NCMAP: variants seen among roughly 807,000 people sequenced by gnomAD.
The protein encoded by NCMAP is non-compact myelin associated protein.
NCMAP carries 8 observed loss-of-function variants against 7.8 expected under a neutral mutation model. That is an observed-to-expected ratio of 1.02 (90% CI 0.60 to 1.84). NCMAP has a LOEUF of 1.84. Among genes scored for constraint, NCMAP ranks in the 40% most tolerant of loss-of-function variants. The pLI, the probability that NCMAP is intolerant of heterozygous loss-of-function variation, is 0.00. For missense variants in NCMAP, 112 were observed against 131.4 expected (o/e 0.85, Z 0.72); for synonymous variants, 41 against 52.9 (o/e 0.78, Z 0.98).
intron 2 of NCMAP, among the ~76,000 whole-genome samples, chr1:24,596,616 G>T (rs891986915): frequency 2.0e-5 from 3 of 152,096 alleles, no homozygotes; most frequent in African/African-American, 7.2e-5. Context: ...AGCCTGGGAG[G>T]TCGAGGCTGT....
rs1652716652 is a variant in NCMAP at position 24,606,081 on chromosome 1, G to A, written c.*334G>A. 3.8e-6 allele frequency: 1 copy of A among 263,712 alleles called. No homozygotes were observed. The highest frequency in any genetic ancestry group is 7.6e-5 in the South Asian group (1 of 13,210). 16.3% of individuals were successfully genotyped at this position (263,712 alleles called of 1,614,324 possible). A position where few individuals can be genotyped will look rare whatever the true frequency, so the allele number is the denominator to read the frequency against. ...GATAGACAGATAGCCCAGGAGCCAG[G>A]TGTCAGGGAGCACTGCTGAGAGTAT... On this transcript the variant is annotated 3_prime_UTR_variant, in exon 4 of 4. Transcript: ENST00000374392.
chr1:24,577,820 G>T (rs1257597289), intron 1 of NCMAP, among the ~76,000 whole-genome samples: 2 of 152,154 alleles, frequency 1.3e-5, no homozygotes, highest in African/African-American at 4.8e-5. Flanking sequence ...CAGGGTGGTT[G>T]CGAGGAAAGC....
chr1:24,557,816 A>AAGCC (rs1196065870), intron 1 of NCMAP, among the ~76,000 whole-genome samples: 1 of 152,280 alleles, frequency 6.6e-6, no homozygotes, highest in East Asian at 1.9e-4. Context: ...GCATGGTGCC[A>AAGCC]AGCCAGCCAG....
At chr1:24,561,636 C>T (rs953935187) in intron 1 of NCMAP, among the ~76,000 whole-genome samples, 21 of 152,088 alleles carry the variant, frequency 1.4e-4, no homozygotes, top group Non-Finnish European at 2.4e-4. Flanking sequence ...AGGGGCCGGG[C>T]GCGGTGGCTC....
rs1218287149 is a variant in NCMAP, at chr1:24,607,390, T to C, written c.*1643T>C. On this transcript the variant is annotated 3_prime_UTR_variant, in exon 4 of 4. Transcript: ENST00000374392. ...TTTTAATGATTCTGAAATCAGAACA[T>C]ATCTTGCAATTGATGGGTTCATTAA... 1 of 137,104 alleles carries C rather than the reference T, an allele frequency of 7.3e-6. No homozygotes were observed. Among genetic ancestry groups the C allele is most frequent in the Non-Finnish European group, 1.5e-5 (1 of 67,940 alleles). 8.5% of individuals were successfully genotyped at this position (137,104 alleles called of 1,614,324 possible). A position where few individuals can be genotyped will look rare whatever the true frequency, so the allele number is the denominator to read the frequency against.
chr1:24,565,446 G>C (rs1651199041), intron 1 of NCMAP, among the ~76,000 whole-genome samples: 1 of 152,144 alleles, frequency 6.6e-6, no homozygotes, highest in South Asian at 2.1e-4. Flanking sequence ...CCTAGGCTTG[G>C]ACAGGTTGGG....
At chr1:24,587,980 C>T (rs563955696) in intron 1 of NCMAP, among the ~76,000 whole-genome samples, 335 of 151,162 alleles carry the variant, frequency 2.2e-3, no homozygotes, top group Non-Finnish European at 3.5e-3. Context: ...AGTTTAGGAG[C>T]GGAGGTTTAA....
intron 1 of NCMAP, among the ~76,000 whole-genome samples, chr1:24,585,619 G>A (rs1390726610): frequency 6.6e-6 from 1 of 152,176 alleles, no homozygotes; most frequent in African/African-American, 2.4e-5. Flanking sequence ...TCCAGGGAAG[G>A]GAGAGGACTT....
chr1:24,603,533 C>T (rs61686184), intron 3 of NCMAP, among the ~76,000 whole-genome samples: 8,239 of 152,174 alleles, frequency 0.054, 766 homozygotes, highest in African/African-American at 0.19. Context: ...CCTGTTTGCA[C>T]TGATGCCTGA....
At position 24,597,742 on chromosome 1, in the gene NCMAP, G is replaced by C. The variant is rs75262468; in HGVS notation, c.82+2230G>C. ...GTTCTCAACTAGGTGTTTTTGCCCT[G>C]CTAGATAGGGTTACCAGATTTAGCA... On this transcript the variant is annotated intron_variant, in intron 2 of 3. Coordinates refer to ENST00000374392, the MANE Select transcript of NCMAP (RefSeq NM_001010980.5). Among the ~76,000 whole-genome samples, 1,146 of 144,092 alleles carry C rather than the reference G, an allele frequency of 8.0e-3. 48 individuals are homozygous for C. Among genetic ancestry groups the C allele is most frequent in the Middle Eastern group, 0.021 (5 of 242 alleles). 94.5% of individuals were successfully genotyped at this position (144,092 alleles called of 152,430 possible).
chr1:24,569,544 A>G (rs940197013), intron 1 of NCMAP, among the ~76,000 whole-genome samples: 1 of 150,602 alleles, frequency 6.6e-6, no homozygotes, highest in Non-Finnish European at 1.5e-5. Flanking sequence ...ATTGAGCGGC[A>G]GCAGTAAAGT....
At position 24,605,993 on chromosome 1, in the gene NCMAP, G is replaced by A. The variant is rs1330381965; in HGVS notation, c.*246G>A. The A allele has an allele frequency of 2.0e-6, 1 of 491,918 alleles. No individual in the cohort carries two copies. Among genetic ancestry groups the A allele is most frequent in the African/African-American group, 1.9e-5 (1 of 51,734 alleles). The allele number at this position is 491,918 out of a possible 1,614,324, so 30.5% of individuals were successfully genotyped here. On this transcript the variant is annotated 3_prime_UTR_variant, in exon 4 of 4. Transcript: ENST00000374392. ...AGAACATTCTTTTGTCATCTGATGA[G>A]GTAGAGCTATGTTGGGAATCCACCA... is the stretch of plus-strand genomic sequence containing the variant.
In NCMAP at chr1:24,605,730, C is replaced by T. The variant is rs766589597; in HGVS notation, c.292C>T (p.Gln98Ter). ...TGTGACCTTCAGTCCTGTTGACGTCCAGGTGGAGACGCGATGACCTCTACC... is the reference window on the plus strand; with the variant it reads ...TGTGACCTTCAGTCCTGTTGACGTCTAGGTGGAGACGCGATGACCTCTACC... ...ATVTFSPVDV[Q>*]VETR The change falls in exon 4 of 4, where the codon CAG becomes TAG. Residue 98 changes from glutamine to a stop codon, truncating the protein, a stop_gained. Coordinates refer to ENST00000374392, the MANE Select transcript of NCMAP (RefSeq NM_001010980.5). LOFTEE classifies it high-confidence loss of function. 1 of 1,614,186 alleles carries T rather than the reference C, an allele frequency of 6.2e-7. No homozygotes were observed. Among genetic ancestry groups the T allele is most frequent in the Non-Finnish European group, 8.5e-7 (1 of 1,180,038 alleles).
At chr1:24,561,737 C>A (rs189835646) in intron 1 of NCMAP, among the ~76,000 whole-genome samples, 1 of 152,186 alleles carries the variant, frequency 6.6e-6, no homozygotes, top group East Asian at 1.9e-4. Flanking sequence ...ATAGTGAAAC[C>A]CTGTCTCTAC....
chr1:24,602,569 C>CAAAAAAAAAAAAAAAAAA, intron 3 of NCMAP, among the ~76,000 whole-genome samples: 1 of 40,064 alleles, frequency 2.5e-5, no homozygotes, highest in Non-Finnish European at 3.9e-5. Flanking sequence ...GACTCCATCT[C>CAAAAAAAAAAAAAAAAAA]AAAAAAAAAA....
chr1:24,569,128 A>G (rs1290458298), intron 1 of NCMAP, among the ~76,000 whole-genome samples: 3 of 151,584 alleles, frequency 2.0e-5, no homozygotes, highest in Non-Finnish European at 4.4e-5. Flanking sequence ...CGAGTAGCTG[A>G]GATTACAGGC....
At chr1:24,605,567 G>A (rs1357147914) in intron 3 of NCMAP, 39 bp from the exon 4 acceptor site, 1 of 1,605,368 alleles carries the variant, frequency 6.2e-7, no homozygotes, top group Non-Finnish European at 8.5e-7. Flanking sequence ...CGGCATACCA[G>A]GGGAAAGACT....
At chr1:24,580,517 C>A (rs1651713710) in intron 1 of NCMAP, among the ~76,000 whole-genome samples, 2 of 152,158 alleles carry the variant, frequency 1.3e-5, no homozygotes, top group Admixed American at 6.5e-5. Context: ...GTGGTGCGAT[C>A]TCAGCTCACT....
intron 1 of NCMAP, among the ~76,000 whole-genome samples, chr1:24,570,443 C>T (rs1057449310): frequency 2.7e-5 from 4 of 150,750 alleles, no homozygotes; most frequent in Admixed American, 6.6e-5. Context: ...TGGAGTGAGC[C>T]GTGATTGTGC....
Sources: allele counts gnomAD v4.1 joint callset (sites outside exome capture counted in the v4.1 genomes callset), GRCh38; gene constraint gnomAD v4.1.1; transcripts MANE v1.5; gene names NCBI Gene and HGNC (gene_info 2026-07-23, HGNC 2026-07-21).